LRP1B: variants seen among roughly 807,000 people sequenced by gnomAD.
LRP1B encodes low-density lipoprotein receptor-related protein 1B.
LRP1B carries 217 observed loss-of-function variants against 556.6 expected under a neutral mutation model. The ratio of observed to expected loss-of-function variants is 0.39; its 90% CI spans 0.35 to 0.44. LRP1B has a LOEUF of 0.44. LRP1B is among the 20% of genes least tolerant of loss of function. The pLI is 1.00. For missense variants in LRP1B, 5,053 were observed against 5,620.8 expected, an observed-to-expected ratio of 0.90 and a Z score of 3.23; for synonymous variants, 2,047 against 1,865.8, an observed-to-expected ratio of 1.10 and a Z score of -2.50.
intron 2 of LRP1B, among the ~76,000 whole-genome samples, chr2:141,675,569 T>C (rs1452861039): frequency 2.0e-5 from 3 of 151,856 alleles, no homozygotes; most frequent in African/African-American, 7.2e-5. Flanking sequence ...GTACCTACCC[T>C]ATAGGGATTT....
chr2:142,085,091 C>G (rs746268521), intron 1 of LRP1B, among the ~76,000 whole-genome samples: 4 of 152,106 alleles, frequency 2.6e-5, no homozygotes, highest in Non-Finnish European at 5.9e-5. Flanking sequence ...ATTTACAACT[C>G]AGAAATTCTT....
chr2:141,421,022 T>A, intron 3 of LRP1B, among the ~76,000 whole-genome samples: 1 of 152,216 alleles, frequency 6.6e-6, no homozygotes, highest in East Asian at 1.9e-4. Flanking sequence ...CTTATGCCTT[T>A]CAACGTAGCT....
chr2:141,248,182 T>A (rs775812335), intron 4 of LRP1B, among the ~76,000 whole-genome samples: 6 of 152,178 alleles, frequency 3.9e-5, no homozygotes, highest in Non-Finnish European at 7.3e-5. Flanking sequence ...CAACAGATAC[T>A]CAATGATTCT....
At chr2:141,091,411 C>T (rs922891323) in intron 7 of LRP1B, among the ~76,000 whole-genome samples, 1 of 152,108 alleles carries the variant, frequency 6.6e-6, no homozygotes, top group African/African-American at 2.4e-5. Flanking sequence ...AAAACAAAAA[C>T]AACAACAACA....
intron 85 of LRP1B, among the ~76,000 whole-genome samples, chr2:140,270,946 AAC>A (rs1376275036): frequency 2.0e-5 from 3 of 151,992 alleles, no homozygotes; most frequent in Non-Finnish European, 2.9e-5. Context: ...TTCATAAAAA[AAC>A]AGTTATGTTA....
intron 2 of LRP1B, among the ~76,000 whole-genome samples, chr2:141,666,112 C>T (rs1402003071): frequency 6.6e-6 from 1 of 152,104 alleles, no homozygotes; most frequent in African/African-American, 2.4e-5. Context: ...TGCACATGTA[C>T]CCCAGAACTT....
intron 3 of LRP1B, among the ~76,000 whole-genome samples, chr2:141,314,239 T>A (rs1358432916): frequency 6.6e-6 from 1 of 152,196 alleles, no homozygotes; most frequent in African/African-American, 2.4e-5. Flanking sequence ...CAGGTAAGAC[T>A]TTCCCTAAGA....
intron 1 of LRP1B, among the ~76,000 whole-genome samples, chr2:141,853,696 A>T (rs1397091895): frequency 1.3e-5 from 2 of 151,746 alleles, no homozygotes; most frequent in Non-Finnish European, 2.9e-5. Context: ...ATGAACTGAT[A>T]AAAAAAATAA....
chr2:141,529,499 C>T (rs959798462), intron 2 of LRP1B, among the ~76,000 whole-genome samples: 1 of 152,232 alleles, frequency 6.6e-6, no homozygotes, highest in Middle Eastern at 3.4e-3. Context: ...TACACATATA[C>T]ATATATATCT....
intron 7 of LRP1B, among the ~76,000 whole-genome samples, chr2:141,157,122 T>A (rs1702086753): frequency 6.6e-6 from 1 of 152,130 alleles, no homozygotes; most frequent in African/African-American, 2.4e-5. Flanking sequence ...TGCTTTTAAA[T>A]TTATAAAAAA....
At chr2:141,068,971 GA>G (rs766316281) in intron 7 of LRP1B, among the ~76,000 whole-genome samples, 9 of 152,006 alleles carry the variant, frequency 5.9e-5, no homozygotes, top group Non-Finnish European at 1.2e-4. Context: ...GGCCTAAATT[GA>G]AAACATCTTA....
chr2:141,719,736 G>A (rs1256368346), intron 2 of LRP1B, among the ~76,000 whole-genome samples: 1 of 152,014 alleles, frequency 6.6e-6, no homozygotes, highest in East Asian at 1.9e-4. Flanking sequence ...GGATGCACCT[G>A]GAGATGATTA....
intron 7 of LRP1B, among the ~76,000 whole-genome samples, chr2:141,156,501 G>C (rs1163460508): frequency 6.6e-6 from 1 of 151,894 alleles, no homozygotes; most frequent in Non-Finnish European, 1.5e-5. Flanking sequence ...GGTGGTGGGT[G>C]CCTGTAATCC....
At chr2:141,263,467 A>T (rs967376705) in intron 3 of LRP1B, among the ~76,000 whole-genome samples, 11 of 152,118 alleles carry the variant, frequency 7.2e-5, no homozygotes, top group African/African-American at 2.4e-5. Context: ...AAGAAGAAAC[A>T]TATAATCTGA....
intron 18 of LRP1B, among the ~76,000 whole-genome samples, chr2:140,971,208 T>G (rs1696412946): frequency 6.6e-6 from 1 of 152,098 alleles, no homozygotes; most frequent in South Asian, 2.1e-4. Context: ...AAAACACTGG[T>G]GTCTTTCTAA....
In LRP1B at chr2:140,457,683, G is replaced by A. The variant is rs139481433; in HGVS notation, c.9626-32C>T. 2.2e-4 allele frequency: 336 copies of A among 1,551,848 alleles called. 1 individual carries two copies. The East Asian group carries it at 7.2e-3, about 33-fold the overall frequency. Reference sequence around the variant, plus strand: ...TAGGAGATGGTAAGATTAATGTTCAGTCTTGGAAGACTGCCAGTTAAAATA... The same window carrying A: ...TAGGAGATGGTAAGATTAATGTTCAATCTTGGAAGACTGCCAGTTAAAATA... On this transcript the variant is annotated intron_variant, in intron 60 of 90. Coordinates refer to ENST00000389484, the MANE Select transcript of LRP1B (RefSeq NM_018557.3).
At chr2:140,465,354 C>T (rs149766280) in intron 60 of LRP1B, among the ~76,000 whole-genome samples, 6 of 152,230 alleles carry the variant, frequency 3.9e-5, no homozygotes, top group Non-Finnish European at 8.8e-5. Flanking sequence ...CAAACTGTAT[C>T]AGTGTTCTAG....
rs546335763 is a variant in LRP1B at position 140,943,449 on chromosome 2, C to T, written c.3136+6786G>A. Among the ~76,000 whole-genome samples the T allele has an allele frequency of 3.3e-5, 5 of 152,182 alleles. No individual in the cohort carries two copies. The South Asian group carries it at 1.0e-3, about 32-fold the overall frequency. On this transcript the variant is annotated intron_variant, in intron 20 of 90. Transcript: ENST00000389484. ...ATTTAATAGACATCTACAGAATACT[C>T]CACTCAACAACCAGAATATATACTC...
Position 141,253,412 on chromosome 2 carries a change from T to G in LRP1B, c.463+1110A>C, listed in dbSNP as rs897447499. On this transcript the variant is annotated intron_variant, in intron 4 of 90. Transcript: ENST00000389484. ...TCTGATAAACACTTGATAATAAATG[T>G]TTTTTTATAAAATTGGTATTATACA... Among the ~76,000 whole-genome samples, 7 of 152,032 alleles carry G rather than the reference T, an allele frequency of 4.6e-5. No individual in the cohort carries two copies. In the South Asian group the frequency reaches 1.5e-3, roughly 32 times the overall value.
Sources: gnomAD v4.1 joint callset for allele counts (sites outside exome capture counted in the v4.1 genomes callset) on GRCh38, gnomAD v4.1.1 for gene constraint, MANE v1.5 for transcripts, NCBI Gene and HGNC (gene_info 2026-07-23, HGNC 2026-07-21) for gene names.